QTMAN: variants seen among roughly 807,000 people sequenced by gnomAD.
QTMAN encodes tRNA-queuosine alpha-mannosyltransferase.
the QTMAN span, among the ~76,000 whole-genome samples, chr2:144,298,264 T>C: frequency 6.6e-6 from 1 of 151,856 alleles, no homozygotes; most frequent in East Asian, 2.0e-4. Context: ...ATGATCCGCC[T>C]GCCTTGGCCT....
the QTMAN span, among the ~76,000 whole-genome samples, chr2:144,096,148 T>C: frequency 6.6e-6 from 1 of 152,200 alleles, no homozygotes; most frequent in Non-Finnish European, 1.5e-5. Flanking sequence ...AAATAACAGA[T>C]CTTTTGAACA....
At chr2:144,208,561 C>T in the QTMAN span, 4 of 1,567,992 alleles carry the variant, frequency 2.6e-6, no homozygotes, top group Non-Finnish European at 3.5e-6. Flanking sequence ...ATAACAGGTA[C>T]TTTTTAAAAA....
the QTMAN span, among the ~76,000 whole-genome samples, chr2:144,100,017 G>A: frequency 6.6e-6 from 1 of 151,930 alleles, no homozygotes; most frequent in African/African-American, 2.4e-5. Context: ...CGTGTGTAGA[G>A]AGCAAGTGGA....
the QTMAN span, among the ~76,000 whole-genome samples, chr2:144,209,513 T>A: frequency 6.6e-6 from 1 of 152,226 alleles, no homozygotes; most frequent in Non-Finnish European, 1.5e-5. Flanking sequence ...GTTGTATGTG[T>A]GTGAACCAGT....
At chr2:144,317,435 G>GGAAGGAAGGAAGGAAGGA in the QTMAN span, 1 of 66,054 alleles carries the variant, frequency 1.5e-5, no homozygotes, top group African/African-American at 4.9e-5. Context: ...GGAAGGAAGG[G>GGAAGGAAGGAAGGAAGGA]ACAATAAAAT....
the QTMAN span, among the ~76,000 whole-genome samples, chr2:144,199,050 T>TG: frequency 4.7e-5 from 6 of 128,340 alleles, no homozygotes; most frequent in African/African-American, 1.8e-4. Context: ...TGTACTGTAC[T>TG]TTTTTTTTTT....
the QTMAN span, among the ~76,000 whole-genome samples, chr2:144,244,608 TAGTA>T: frequency 1.3e-5 from 2 of 152,204 alleles, no homozygotes; most frequent in African/African-American, 2.4e-5. Context: ...AATATTGTCT[TAGTA>T]AGTACAGAAA....
At chr2:144,086,167 T>C in the QTMAN span, among the ~76,000 whole-genome samples, 1 of 152,192 alleles carries the variant, frequency 6.6e-6, no homozygotes, top group African/African-American at 2.4e-5. Flanking sequence ...AAAGAGCTCC[T>C]AGTTCTCTTT....
At chr2:144,145,837 A>G in the QTMAN span, 1 of 919,326 alleles carries the variant, frequency 1.1e-6, no homozygotes, top group African/African-American at 1.7e-5. Flanking sequence ...CCCAAGAAAA[A>G]CACATCCCCT....
chr2:143,942,905 T>C, the QTMAN span: 1 of 153,596 alleles, frequency 6.5e-6, no homozygotes, highest in Admixed American at 6.5e-5. Context: ...AGTAACATGC[T>C]TCCTGAAGTA....
At chr2:144,093,158 G>A in the QTMAN span, among the ~76,000 whole-genome samples, 1 of 152,074 alleles carries the variant, frequency 6.6e-6, no homozygotes, top group Non-Finnish European at 1.5e-5. Flanking sequence ...CTGAAATCTC[G>A]TGTTTTCAGA....
At chr2:144,028,247 G>A in the QTMAN span, among the ~76,000 whole-genome samples, 2 of 152,154 alleles carry the variant, frequency 1.3e-5, no homozygotes, top group Non-Finnish European at 1.5e-5. Context: ...GTATAACAAC[G>A]TATAGGAAAG....
the QTMAN span, among the ~76,000 whole-genome samples, chr2:144,212,009 C>G: frequency 1.3e-5 from 2 of 152,192 alleles, no homozygotes; most frequent in Admixed American, 6.5e-5. Flanking sequence ...AAACCAAGGA[C>G]AGGGTTTCCT....
chr2:144,258,146 G>A, the QTMAN span, among the ~76,000 whole-genome samples: 5 of 150,116 alleles, frequency 3.3e-5, no homozygotes, highest in Non-Finnish European at 5.9e-5. Flanking sequence ...ATGATGAAAT[G>A]GAAATACAAA....
At chr2:144,018,180 C>T in the QTMAN span, among the ~76,000 whole-genome samples, 1 of 152,070 alleles carries the variant, frequency 6.6e-6, no homozygotes, top group African/African-American at 2.4e-5. Flanking sequence ...AAAATAAAAC[C>T]AGGAAATTTA....
At chr2:144,075,213 A>G in the QTMAN span, among the ~76,000 whole-genome samples, 2 of 152,202 alleles carry the variant, frequency 1.3e-5, no homozygotes, top group Non-Finnish European at 2.9e-5. Flanking sequence ...ATGTATGGGA[A>G]GTCAGAACAT....
chr2:143,979,783 AC>A, the QTMAN span, among the ~76,000 whole-genome samples: 1 of 152,236 alleles, frequency 6.6e-6, no homozygotes, highest in African/African-American at 2.4e-5. Context: ...TAATTATCCT[AC>A]TAATGGACAT....
the QTMAN span, among the ~76,000 whole-genome samples, chr2:144,027,144 G>C: frequency 6.6e-6 from 1 of 152,150 alleles, no homozygotes; most frequent in Non-Finnish European, 1.5e-5. Context: ...ATGGAGGCAA[G>C]AGCCATCTGG....
the QTMAN span, among the ~76,000 whole-genome samples, chr2:144,328,841 G>C: frequency 6.6e-6 from 1 of 152,132 alleles, no homozygotes; most frequent in African/African-American, 2.4e-5. Context: ...GTTCAACTAG[G>C]AATCAGCCTA....
Sources: gnomAD v4.1 joint callset for allele counts (sites outside exome capture counted in the v4.1 genomes callset) on GRCh38, gnomAD v4.1.1 for gene constraint, MANE v1.5 for transcripts, NCBI Gene and HGNC (gene_info 2026-07-23, HGNC 2026-07-21) for gene names.